CTNNA2: variants seen among roughly 807,000 people sequenced by gnomAD.
The protein encoded by CTNNA2 is catenin alpha-2.
A neutral mutation model predicts 101.0 loss-of-function variants in CTNNA2; 42 were observed. That is an observed-to-expected ratio of 0.42 (90% confidence interval 0.32 to 0.54). CTNNA2 has a LOEUF of 0.54. Ranked by LOEUF, CTNNA2 falls within the 20% of genes least tolerant of loss-of-function variation. The pLI is 0.14. For missense variants in CTNNA2, 871 were observed against 1,223.1 expected, an observed-to-expected ratio of 0.71 and a Z score of 4.29; for synonymous variants, 450 against 456.4, an observed-to-expected ratio of 0.99 and a Z score of 0.18.
chr2:79,834,251 A>G (rs975947528), intron 3 of CTNNA2, among the ~76,000 whole-genome samples: 4 of 152,066 alleles, frequency 2.6e-5, no homozygotes, highest in African/African-American at 9.7e-5. Context: ...TTATAGGCTG[A>G]CTAAAAGTAT....
At chr2:79,684,725 A>G (rs4852509) in intron 2 of CTNNA2, among the ~76,000 whole-genome samples, 2 of 151,832 alleles carry the variant, frequency 1.3e-5, no homozygotes. Flanking sequence ...GGGAGTTTGG[A>G]CCATTGTTCA....
At chr2:80,186,383 T>A (rs1057134924) in intron 7 of CTNNA2, among the ~76,000 whole-genome samples, 3 of 152,204 alleles carry the variant, frequency 2.0e-5, no homozygotes, top group Non-Finnish European at 4.4e-5. Flanking sequence ...CAGACAGATA[T>A]CATGGCCTTG....
chr2:79,645,106 C>CG, intron 1 of CTNNA2, among the ~76,000 whole-genome samples: 1 of 152,234 alleles, frequency 6.6e-6, no homozygotes, highest in Middle Eastern at 3.4e-3. Context: ...CCTCAGCCTC[C>CG]GGAGTAGGTA....
chr2:80,539,475 A>T (rs2149613733), intron 9 of CTNNA2, among the ~76,000 whole-genome samples: 1 of 151,760 alleles, frequency 6.6e-6, no homozygotes, highest in Middle Eastern at 3.5e-3. Flanking sequence ...AGGCAATCGT[A>T]AAATAAATCT....
chr2:79,651,621 T>A lies in CTNNA2; in HGVS notation c.65T>A (p.Leu22Gln). ...CCCAAAAGTTTGGAAATCCGGACGC[T>A]AACAGTGGAAAGGCTGTTGGAGCCA... is the stretch of plus-strand genomic sequence containing the variant. The part of the protein sequence containing the change: ...WDPKSLEIRT[L>Q]TVERLLEPLV... The change falls in exon 2 of 19, where the codon CTA (leucine) becomes CAA (glutamine). Residue 22 changes from leucine to glutamine, a missense_variant. Physicochemically the swap from Leu to Gln is moderately radical, Grantham distance 113. Around this residue, in one of 5 missense-constraint regions of CTNNA2, gnomAD observed 647 missense variants for 831.5 expected, o/e 0.78. Transcript: ENST00000402739. 6.2e-7 allele frequency: 1 copy of A among 1,613,854 alleles called. No homozygotes were observed. The highest frequency in any genetic ancestry group is 8.5e-7 in the Non-Finnish European group (1 of 1,179,828).
intron 18 of CTNNA2, among the ~76,000 whole-genome samples, chr2:80,641,158 CA>C: frequency 1.3e-5 from 2 of 152,262 alleles, no homozygotes; most frequent in Non-Finnish European, 1.5e-5. Flanking sequence ...TTCTTCCAGG[CA>C]TTTCTAAGCC....
chr2:79,936,396 A>G (rs927721412), intron 7 of CTNNA2, among the ~76,000 whole-genome samples: 2 of 152,006 alleles, frequency 1.3e-5, no homozygotes, highest in Admixed American at 6.5e-5. Flanking sequence ...TCCCTTATTT[A>G]TGCCTCTACT....
chr2:80,574,426 C>A, intron 13 of CTNNA2, 112 bp downstream of exon 13: 1 of 1,283,752 alleles, frequency 7.8e-7, no homozygotes, highest in East Asian at 2.5e-5. Context: ...ACTTGGTAAG[C>A]TGTTTGGCTC....
intron 7 of CTNNA2, among the ~76,000 whole-genome samples, chr2:79,912,277 A>G (rs911629866): frequency 5.3e-5 from 8 of 152,240 alleles, no homozygotes; most frequent in African/African-American, 1.9e-4. Flanking sequence ...AATTGTATAC[A>G]TGCCAAATTG....
At chr2:79,288,436 G>A (rs1410863398) in intron 2 of CTNNA2, among the ~76,000 whole-genome samples, 1 of 152,200 alleles carries the variant, frequency 6.6e-6, no homozygotes, top group Non-Finnish European at 1.5e-5. Context: ...TCTTCGCTTG[G>A]AGTCTCTCAT....
chr2:80,062,737 A>G lies in CTNNA2; in HGVS notation c.1056+152940A>G, dbSNP rs573776931. Among the ~76,000 whole-genome samples, 275 of 120,606 alleles carry G rather than the reference A, an allele frequency of 2.3e-3. 3 individuals carry two copies. Among genetic ancestry groups the G allele is most frequent in the Middle Eastern group, 7.6e-3 (1 of 132 alleles). The allele number at this position is 120,606 out of a possible 152,430, so 79.1% of individuals were successfully genotyped here. A position where few individuals can be genotyped will look rare whatever the true frequency, so the allele number is the denominator to read the frequency against. ...TTTTTTTTTTTTGAGATGGAGTCTC[A>G]CTCTGTCGCCCAGGCTGGAGTGCAG... On this transcript the variant is annotated intron_variant, in intron 7 of 18. Transcript: ENST00000402739.
intron 18 of CTNNA2, among the ~76,000 whole-genome samples, chr2:80,636,668 C>G (rs752511429): frequency 3.3e-5 from 5 of 152,020 alleles, no homozygotes; most frequent in Admixed American, 1.3e-4. Flanking sequence ...AATTTAAGGT[C>G]CTTGAAGTGG....
intron 1 of CTNNA2, among the ~76,000 whole-genome samples, chr2:79,561,220 T>G (rs1178839811): frequency 6.6e-6 from 1 of 151,940 alleles, no homozygotes; most frequent in Non-Finnish European, 1.5e-5. Flanking sequence ...GCCTCCTATT[T>G]TTGAGGCTCA....
intron 4 of CTNNA2, among the ~76,000 whole-genome samples, chr2:79,376,114 A>C (rs7595284): frequency 0.76 from 114,915 of 152,024 alleles, 43,648 homozygotes; most frequent in South Asian, 0.83. Context: ...CGCTTGAGTT[A>C]AGCAGAAGAT....
At chr2:79,969,842 G>A (rs1690353697) in intron 7 of CTNNA2, among the ~76,000 whole-genome samples, 1 of 152,110 alleles carries the variant, frequency 6.6e-6, no homozygotes, top group South Asian at 2.1e-4. Context: ...GGTATTGTTT[G>A]GCTTTGTGGT....
chr2:79,558,498 C>G (rs1281589287), intron 1 of CTNNA2, among the ~76,000 whole-genome samples: 3 of 151,676 alleles, frequency 2.0e-5, no homozygotes, highest in Non-Finnish European at 4.4e-5. Flanking sequence ...TGAATCCTTC[C>G]CTAAAGGGAC....
intron 2 of CTNNA2, among the ~76,000 whole-genome samples, chr2:79,312,081 A>T (rs1356492254): frequency 2.0e-5 from 3 of 151,812 alleles, no homozygotes. Flanking sequence ...TAAAAAAAAA[A>T]AAATTGTAGA....
At chr2:80,137,496 G>T (rs770401599) in intron 7 of CTNNA2, among the ~76,000 whole-genome samples, 5 of 152,060 alleles carry the variant, frequency 3.3e-5, no homozygotes, top group Non-Finnish European at 7.4e-5. Context: ...TTGAATTCCT[G>T]GGAGTCTGAG....
chr2:80,571,532 T>G (rs1002259841), intron 12 of CTNNA2, among the ~76,000 whole-genome samples: 15 of 152,234 alleles, frequency 9.9e-5, no homozygotes, highest in Admixed American at 6.5e-5. Context: ...TAAAGTGGTA[T>G]ATATCCTTTT....
Sources: allele counts gnomAD v4.1 joint callset (sites outside exome capture counted in the v4.1 genomes callset), GRCh38; gene constraint gnomAD v4.1.1; regional missense constraint gnomAD v4.1.1; transcripts MANE v1.5; gene names NCBI Gene and HGNC (gene_info 2026-07-23, HGNC 2026-07-21).